The following DPYS variants were observed in gnomAD, a reference collection of about 807,000 sequenced individuals.
DPYS encodes dihydropyrimidine amidohydrolase.
In DPYS, 39 loss-of-function variants were observed where a neutral mutation model predicts 50.3. The ratio of observed to expected loss-of-function variants is 0.78; its 90% CI spans 0.60 to 1.01. The LOEUF is 1.01. Ranked by LOEUF, DPYS falls within the 50% of genes least tolerant of loss-of-function variation. The probability of loss-of-function intolerance (pLI) is 0.00; values close to 1 mark genes in which losing one functional copy is unlikely to be tolerated. For synonymous variants in DPYS, 245 were observed against 250.7 expected (o/e 0.98, Z 0.22); for missense variants, 659 against 680.9 (o/e 0.97, Z 0.36).
At chr8:104,394,970 T>C (rs1216497916) in intron 7 of DPYS, among the ~76,000 whole-genome samples, 2 of 151,528 alleles carry the variant, frequency 1.3e-5, no homozygotes, top group Non-Finnish European at 2.9e-5. Context: ...ATGACCACTT[T>C]GATGAAACTA....
chr8:104,392,971 TGA>T lies in DPYS; in HGVS notation c.1254_1255del (p.His419SerfsTer5), dbSNP rs764541333. On this transcript the variant is annotated frameshift_variant, in exon 8 of 10. Transcript: ENST00000351513. LOFTEE classifies it high-confidence loss of function. Reference sequence around the variant, plus strand: ...AATGTTGAAGTTAACAGCCTGATGATGAGTTTTTGCTGAGATAGTCCTATATT... The same window carrying T: ...AATGTTGAAGTTAACAGCCTGATGATGTTTTTGCTGAGATAGTCCTATATT... The T allele has an allele frequency of 5.8e-5, 93 of 1,614,078 alleles. 1 individual carries two copies. The highest frequency in any genetic ancestry group is 5.7e-4 in the South Asian group (52 of 91,090).
intron 4 of DPYS, among the ~76,000 whole-genome samples, chr8:104,437,539 TA>T (rs1813193234): frequency 6.6e-6 from 1 of 152,098 alleles, no homozygotes; most frequent in Admixed American, 6.6e-5. Context: ...CAATATGGCC[TA>T]AAAAAATGAG....
intron 1 of DPYS, among the ~76,000 whole-genome samples, chr8:104,453,287 A>G (rs1180731462): frequency 6.6e-6 from 1 of 152,232 alleles, no homozygotes; most frequent in African/African-American, 2.4e-5. Context: ...GCATTTCTTA[A>G]GAAATCCCTA....
intron 1 of DPYS, among the ~76,000 whole-genome samples, chr8:104,460,887 G>A (rs921083408): frequency 2.0e-5 from 3 of 152,232 alleles, no homozygotes; most frequent in African/African-American, 2.4e-5. Context: ...AATACAACAC[G>A]AATGTTCAAA....
At chr8:104,384,711 A>G (rs1281911169) in intron 8 of DPYS, among the ~76,000 whole-genome samples, 1 of 152,234 alleles carries the variant, frequency 6.6e-6, no homozygotes, top group African/African-American at 2.4e-5. Context: ...CCAGATGAAT[A>G]TGGTGATAAT....
chr8:104,416,383 C>T (rs1425884930), intron 7 of DPYS, among the ~76,000 whole-genome samples: 1 of 152,202 alleles, frequency 6.6e-6, no homozygotes, highest in Non-Finnish European at 1.5e-5. Flanking sequence ...AAAGCACAAC[C>T]TGAACCACCT....
chr8:104,399,324 A>C (rs898211134), intron 7 of DPYS, among the ~76,000 whole-genome samples: 4 of 150,332 alleles, frequency 2.7e-5, no homozygotes, highest in African/African-American at 7.3e-5. Context: ...CAACAAAAAA[A>C]AACCAAGAAA....
intron 7 of DPYS, among the ~76,000 whole-genome samples, chr8:104,404,044 G>C (rs1444694225): frequency 6.6e-6 from 1 of 152,040 alleles, no homozygotes; most frequent in Non-Finnish European, 1.5e-5. Context: ...TCTTATAATA[G>C]GCATAACAAA....
intron 6 of DPYS, among the ~76,000 whole-genome samples, chr8:104,427,411 T>C (rs1433808527): frequency 6.6e-6 from 1 of 151,342 alleles, no homozygotes; most frequent in Non-Finnish European, 1.5e-5. Flanking sequence ...CCTGAGTAGC[T>C]GGGATTACAG....
chr8:104,465,818 T>C (rs1201043779), intron 1 of DPYS, among the ~76,000 whole-genome samples: 1 of 152,226 alleles, frequency 6.6e-6, no homozygotes, highest in African/African-American at 2.4e-5. Flanking sequence ...CCCAAACTTC[T>C]AGGCCTTTGT....
Position 104,427,998 on chromosome 8 carries a change from T to C in DPYS, c.1074A>G (p.Val358=). The C allele has an allele frequency of 6.2e-7, 1 of 1,614,184 alleles. No homozygotes were observed. Among genetic ancestry groups the C allele is most frequent in the Non-Finnish European group, 8.5e-7 (1 of 1,180,032 alleles). The part of the protein sequence containing the change: ...GVNGVEDRMS[V]IWEKGVHSGK... ...AACCCACCACGCCTTTTTCCCATATTACGGACATCCGATCTTCAACACCAT... is the reference window on the plus strand; with the variant it reads ...AACCCACCACGCCTTTTTCCCATATCACGGACATCCGATCTTCAACACCAT... Residue 358 remains valine, a synonymous_variant, in exon 6 of 10, where the codon GTA becomes GTG. Transcript: ENST00000351513.
chr8:104,380,394 A>T (rs1029070334), intron 9 of DPYS: 1 of 152,608 alleles, frequency 6.6e-6, no homozygotes, highest in African/African-American at 2.4e-5. Context: ...AAAAGATATC[A>T]CACGTTAAAA....
intron 7 of DPYS, among the ~76,000 whole-genome samples, chr8:104,400,922 G>C (rs373918566): frequency 6.6e-6 from 1 of 152,200 alleles, no homozygotes; most frequent in East Asian, 1.9e-4. Context: ...AAAGAGCCGC[G>C]TGCTCTTACA....
intron 7 of DPYS, chr8:104,411,779 C>G (rs1215465626): frequency 6.6e-6 from 1 of 151,994 alleles, no homozygotes; most frequent in African/African-American, 2.4e-5. Flanking sequence ...TCCACGCAGA[C>G]AGCTGGCCTC....
intron 8 of DPYS, among the ~76,000 whole-genome samples, chr8:104,391,289 G>A (rs1564079923): frequency 6.6e-6 from 1 of 152,168 alleles, no homozygotes; most frequent in Non-Finnish European, 1.5e-5. Flanking sequence ...GAGAGCTCTG[G>A]AAAAGGAGAG....
At chr8:104,436,086 T>A (rs1467622170) in intron 4 of DPYS, among the ~76,000 whole-genome samples, 1 of 152,096 alleles carries the variant, frequency 6.6e-6, no homozygotes, top group African/African-American at 2.4e-5. Flanking sequence ...TGATGCTAGA[T>A]TGAGGTCCCT....
At chr8:104,460,954 C>T (rs1020539341) in intron 1 of DPYS, among the ~76,000 whole-genome samples, 2 of 152,046 alleles carry the variant, frequency 1.3e-5, no homozygotes, top group Non-Finnish European at 2.9e-5. Context: ...AGAAGTGCTA[C>T]GTTTTTCCTC....
At chr8:104,399,347 G>T (rs1811711342) in intron 7 of DPYS, among the ~76,000 whole-genome samples, 2 of 149,846 alleles carry the variant, frequency 1.3e-5, no homozygotes, top group Admixed American at 6.6e-5. Context: ...CCACATCCAG[G>T]CTCTAAGATA....
intron 7 of DPYS, among the ~76,000 whole-genome samples, chr8:104,394,499 A>G (rs972910237): frequency 6.7e-6 from 1 of 150,180 alleles, no homozygotes; most frequent in South Asian, 2.1e-4. Flanking sequence ...CCCAAAATAA[A>G]CCCCCCGCTT....
Sources: allele counts gnomAD v4.1 joint callset (sites outside exome capture counted in the v4.1 genomes callset), GRCh38; gene constraint gnomAD v4.1.1; transcripts MANE v1.5; gene names NCBI Gene and HGNC (gene_info 2026-07-23, HGNC 2026-07-21).